Variants in PI4K2A observed in about 807,000 individuals in gnomAD.
PI4K2A encodes phosphatidylinositol 4-kinase type 2 alpha, also known as phosphatidylinositol 4-kinase type 2-alpha.
PI4K2A carries 20 observed loss-of-function variants against 55.0 expected under a neutral mutation model. The ratio of observed to expected loss-of-function variants is 0.36; its 90% CI spans 0.26 to 0.53. PI4K2A has a LOEUF of 0.53. Ranked by LOEUF, PI4K2A falls within the 20% of genes least tolerant of loss-of-function variation. The pLI is 0.91. For synonymous variants in PI4K2A, 235 were observed against 258.5 expected, an observed-to-expected ratio of 0.91 and a Z score of 0.87; for missense variants, 463 against 637.1, an observed-to-expected ratio of 0.73 and a Z score of 2.94.
chr10:97,672,665 G>A (rs2041641610), intron 8 of PI4K2A, among the ~76,000 whole-genome samples: 1 of 139,422 alleles, frequency 7.2e-6, no homozygotes, highest in Non-Finnish European at 1.5e-5. Flanking sequence ...GGAACTAAAT[G>A]TTTTATGCAT....
chr10:97,672,722 G>GTTTTTTTTTTTTTTTTTTTTTTTT (rs201709914), intron 8 of PI4K2A, among the ~76,000 whole-genome samples: 2 of 94,806 alleles, frequency 2.1e-5, no homozygotes, highest in Non-Finnish European at 4.0e-5. Flanking sequence ...CAGAGGGTCT[G>GTTTTTTTTTTTTTTTTTTTTTTTT]TTCTTTTTTT....
At chr10:97,670,803 G>A (rs1398724287) in intron 8 of PI4K2A, among the ~76,000 whole-genome samples, 1 of 152,086 alleles carries the variant, frequency 6.6e-6, no homozygotes, top group Non-Finnish European at 1.5e-5. Flanking sequence ...ACCCCTCCAT[G>A]TTCTGTGACC....
chr10:97,644,869 A>G (rs1430460824), intron 1 of PI4K2A, among the ~76,000 whole-genome samples: 1 of 152,178 alleles, frequency 6.6e-6, no homozygotes, highest in Non-Finnish European at 1.5e-5. Flanking sequence ...TGGGAGAACC[A>G]GCACTTTCTG....
intron 1 of PI4K2A, among the ~76,000 whole-genome samples, chr10:97,647,599 G>A (rs1258669281): frequency 6.6e-6 from 1 of 152,184 alleles, no homozygotes; most frequent in Non-Finnish European, 1.5e-5. Flanking sequence ...TTCTCCACAG[G>A]CTAGGTCCTG....
intron 1 of PI4K2A, among the ~76,000 whole-genome samples, chr10:97,647,073 G>A (rs992216672): frequency 2.0e-5 from 3 of 151,942 alleles, no homozygotes; most frequent in African/African-American, 4.8e-5. Context: ...GAGCCACTGC[G>A]CTGGGCTCAG....
rs1238625921 is a variant in PI4K2A at position 97,642,083 on chromosome 10, CATTGGAAAGATGT to C, written c.435+911_435+923del. ...AATTTTCAGGTGTGCTGCAATGGGT[CATTGGAAAGATGT>C]ATTGTTATTTAAATTATGGGTGTCA... is the stretch of plus-strand genomic sequence containing the variant. On this transcript the variant is annotated intron_variant, in intron 1 of 8. Coordinates refer to ENST00000370631, the Ensembl canonical transcript of PI4K2A. 3.4e-4 allele frequency among the ~76,000 whole-genome samples: 52 copies of C among 152,286 alleles called. 1 individual carries two copies. Among genetic ancestry groups the C allele is most frequent in the African/African-American group, 1.2e-3 (48 of 41,554 alleles).
rs1360157149 is a variant in PI4K2A at position 97,664,919 on chromosome 10, T to C, written c.1019T>C (p.Ile340Thr). The C allele has an allele frequency of 2.5e-6, 4 of 1,614,102 alleles. No individual in the cohort carries two copies. The Admixed American group carries it at 6.7e-5, about 27-fold the overall frequency. ...TGGGTGGTGGTGAAGGAGCCTGTTA[T>C]CAAGGTGGCTGCCATAGACAATGGG... The change falls in exon 6 of 9, where the codon ATC becomes ACC. Residue 340 changes from isoleucine (I) to threonine (T), a missense_variant. Ile to Thr is a moderately conservative substitution (Grantham distance 89, BLOSUM62 -1). This residue lies in a region of PI4K2A where 277 missense variants were observed against 432.6 expected (regional missense o/e 0.64). Coordinates refer to ENST00000370631, the Ensembl canonical transcript of PI4K2A.
At chr10:97,657,043 T>G in intron 4 of PI4K2A, 69 bp downstream of exon 4, 1 of 1,534,014 alleles carries the variant, frequency 6.5e-7, no homozygotes, top group Non-Finnish European at 9.0e-7. Flanking sequence ...CCTGGAGGCT[T>G]GCAGGGCTTG....
chr10:97,648,311 C>T (rs1020564151), intron 1 of PI4K2A, among the ~76,000 whole-genome samples: 1 of 151,840 alleles, frequency 6.6e-6, no homozygotes, highest in Non-Finnish European at 1.5e-5. Context: ...AGGCTGGTCT[C>T]GAACTCCTGA....
In PI4K2A at chr10:97,651,287, C is replaced by G. The variant is rs74608163; in HGVS notation, c.636+146C>G. On this transcript the variant is annotated intron_variant, in intron 2 of 8. Transcript: ENST00000370631. ...TCTCGATCTTTTTTCGGGAGGATGG[C>G]AGGATTAGGCTTATGATTTGATCAC... The G allele has an allele frequency of 3.9e-3, 2,445 of 619,204 alleles. 27 individuals carry two copies. The highest frequency in any genetic ancestry group is 0.029 in the African/African-American group (1,553 of 54,282). The allele number at this position is 619,204 out of a possible 1,614,324, so 38.4% of individuals were successfully genotyped here. A position where few individuals can be genotyped will look rare whatever the true frequency, so the allele number is the denominator to read the frequency against.
At chr10:97,675,580 G>C (rs1028688793) in exon 9 of PI4K2A, 4 of 152,444 alleles carry the variant, frequency 2.6e-5, no homozygotes, top group Admixed American at 6.5e-5. Context: ...AAACCTGTTG[G>C]TAAAGTGCCC....
chr10:97,642,845 TCC>T (rs1491358994), intron 1 of PI4K2A, among the ~76,000 whole-genome samples: 6,822 of 40,810 alleles, frequency 0.17, 976 homozygotes, highest in South Asian at 0.24. Context: ...CTTCCTTCCT[TCC>T]TTCCTTTCTT....
At position 97,656,252 on chromosome 10, in the gene PI4K2A, TC is replaced by T; in HGVS notation, c.637-32del. 1 of 1,596,194 alleles carries T rather than the reference TC, an allele frequency of 6.3e-7. No homozygotes were observed. Among genetic ancestry groups the T allele is most frequent in the Non-Finnish European group, 8.6e-7 (1 of 1,164,810 alleles). On this transcript the variant is annotated intron_variant, in intron 2 of 8. Transcript: ENST00000370631. The surrounding 1 kb of genome is among the most constrained non-coding windows in gnomAD (Gnocchi z 4.5). ...AGTCTTCTGGTTCCTTAAACTTGACTCTAACCTTAGTATCTCTTCTCTTTCA... is the reference window on the plus strand; with the variant it reads ...AGTCTTCTGGTTCCTTAAACTTGACTTAACCTTAGTATCTCTTCTCTTTCA...
At chr10:97,673,532 C>T in intron 8 of PI4K2A, 49 bp from the exon 9 acceptor site, 1 of 1,537,408 alleles carries the variant, frequency 6.5e-7, no homozygotes, top group Non-Finnish European at 9.0e-7. Context: ...AGAGGCAGAT[C>T]TGGAATGCTG....
intron 1 of PI4K2A, among the ~76,000 whole-genome samples, chr10:97,645,186 A>G (rs2041498968): frequency 2.0e-5 from 3 of 152,156 alleles, no homozygotes; most frequent in Admixed American, 2.0e-4. Flanking sequence ...GGATTAAATG[A>G]CATATCACAC....
At chr10:97,667,076 G>C in exon 8 of PI4K2A, 1 of 1,613,594 alleles carries the variant, frequency 6.2e-7, no homozygotes, top group Non-Finnish European at 8.5e-7. Flanking sequence ...TCCTGGTTTC[G>C]ACAGGGGCCA....
At chr10:97,672,321 A>G (rs2041639630) in intron 8 of PI4K2A, among the ~76,000 whole-genome samples, 1 of 152,132 alleles carries the variant, frequency 6.6e-6, no homozygotes, top group Non-Finnish European at 1.5e-5. Flanking sequence ...GATTACAGAC[A>G]TGAGCCACTA....
intron 2 of PI4K2A, among the ~76,000 whole-genome samples, chr10:97,652,262 T>C (rs2041532980): frequency 6.6e-6 from 1 of 152,058 alleles, no homozygotes; most frequent in African/African-American, 2.4e-5. Flanking sequence ...AGGGAGCATG[T>C]CTCTAGATTA....
chr10:97,646,925 C>T (rs1434922854), intron 1 of PI4K2A, among the ~76,000 whole-genome samples: 1 of 152,074 alleles, frequency 6.6e-6, no homozygotes, highest in Non-Finnish European at 1.5e-5. Flanking sequence ...CAGGTGCATG[C>T]CACCATGCCC....
Sources: gnomAD v4.1 joint callset for allele counts (sites outside exome capture counted in the v4.1 genomes callset) on GRCh38, gnomAD v4.1.1 for gene constraint, gnomAD v4.1.1 regional missense constraint, Gnocchi (gnomAD v3.1) non-coding constraint, MANE v1.5 for transcripts, NCBI Gene and HGNC (gene_info 2026-07-23, HGNC 2026-07-21) for gene names.